SEC24B: variants seen among roughly 807,000 people sequenced by gnomAD.
The protein encoded by SEC24B is SEC24 homolog B, COPII component.
Under a neutral mutation model 142.8 loss-of-function variants are expected in SEC24B, and 45 were observed. That is an observed-to-expected ratio of 0.32 (90% CI 0.25 to 0.40). The LOEUF (loss-of-function observed/expected upper bound fraction) is 0.40, where lower values mean the gene tolerates loss of function less well. Among genes scored for constraint, SEC24B ranks in the 10% least tolerant of loss-of-function variants. SEC24B has a pLI of 1.00. For synonymous variants in SEC24B, 574 were observed against 568.2 expected, an observed-to-expected ratio of 1.01 and a Z score of -0.15; for missense variants, 1,409 against 1,526.8, an observed-to-expected ratio of 0.92 and a Z score of 1.29.
At chr4:109,453,699 C>T (rs1376308351) in intron 1 of SEC24B, among the ~76,000 whole-genome samples, 1 of 152,126 alleles carries the variant, frequency 6.6e-6, no homozygotes, top group African/African-American at 2.4e-5. Context: ...GCAGTCATCA[C>T]AGGGTCCTGA....
Position 109,530,476 on chromosome 4 carries a change from T to A in SEC24B, c.3252+12T>A. 2 of 1,597,760 alleles carry A rather than the reference T, an allele frequency of 1.3e-6. No individual in the cohort carries two copies. Among genetic ancestry groups the A allele is most frequent in the African/African-American group, 2.7e-5 (2 of 74,258 alleles). Reference sequence around the variant, plus strand: ...CCCTTCTCAAACAGGTAGCTTTTTATACATTGCTATATTTAATATTGTTTT... The same window carrying A: ...CCCTTCTCAAACAGGTAGCTTTTTAAACATTGCTATATTTAATATTGTTTT... On this transcript the variant is annotated intron_variant, in intron 19 of 23. Coordinates refer to ENST00000265175, the MANE Select transcript of SEC24B (RefSeq NM_006323.5).
intron 1 of SEC24B, 95 bp downstream of exon 1, chr4:109,434,097 C>A: frequency 2.4e-6 from 2 of 848,832 alleles, no homozygotes; most frequent in African/African-American, 1.8e-5. Context: ...CCGGGAAGGG[C>A]GTTCGGGGCC....
In SEC24B at chr4:109,494,650, G is replaced by C. The variant is rs764242326; in HGVS notation, c.1282G>C (p.Asp428His). Residue 428 changes from aspartate to histidine, a missense_variant, in exon 6 of 24, where the codon GAT becomes CAT. By Grantham distance (81) the Asp-to-His change is moderately conservative. Around this residue, in one of 2 missense-constraint regions of SEC24B, gnomAD observed 709 missense variants for 673.5 expected, o/e 1.05. Transcript: ENST00000265175. ...LSSSASSPAP[D>H]PAPEPDPASA... is the part of the protein sequence containing the mutation. ...TTCATCAGCAAGCAGTCCTGCTCCT[G>C]ATCCCGCCCCTGAACCTGATCCTGC... 4.4e-5 allele frequency: 71 copies of C among 1,613,960 alleles called. No individual in the cohort carries two copies. Among genetic ancestry groups the C allele is most frequent in the Non-Finnish European group, 5.9e-5 (70 of 1,180,032 alleles).
chr4:109,454,304 C>T (rs572234199), intron 1 of SEC24B, among the ~76,000 whole-genome samples: 12 of 151,990 alleles, frequency 7.9e-5, no homozygotes, highest in East Asian at 3.9e-4. Context: ...TTAGGGAGGC[C>T]GAGGCAGGAG....
At chr4:109,516,825 G>A (rs1338164346) in intron 11 of SEC24B, among the ~76,000 whole-genome samples, 185 bp downstream of exon 11, 1 of 152,064 alleles carries the variant, frequency 6.6e-6, no homozygotes. Flanking sequence ...CTTGGTATCT[G>A]AATTATAAAA....
At chr4:109,488,197 A>G (rs1229548227) in intron 4 of SEC24B, among the ~76,000 whole-genome samples, 4 of 152,192 alleles carry the variant, frequency 2.6e-5, no homozygotes, top group African/African-American at 9.7e-5. Flanking sequence ...AACCATCACT[A>G]CTATGTAATT....
Position 109,522,373 on chromosome 4 carries a change from T to G in SEC24B, c.2508+747T>G, listed in dbSNP as rs1183630795. Among the ~76,000 whole-genome samples, 2 of 152,120 alleles carry G rather than the reference T, an allele frequency of 1.3e-5. 1 individual carries two copies. The highest frequency in any genetic ancestry group is 2.9e-5 in the Non-Finnish European group (2 of 67,992). ...GCGAGAGTTTTTAACTCAAATTATC[T>G]TTTTGGTTTTGTGTCACAGTATGTT... On this transcript the variant is annotated intron_variant, in intron 14 of 23. Coordinates refer to ENST00000265175, the MANE Select transcript of SEC24B (RefSeq NM_006323.5).
At chr4:109,434,785 T>G (rs1728244420) in intron 1 of SEC24B, among the ~76,000 whole-genome samples, 1 of 152,202 alleles carries the variant, frequency 6.6e-6, no homozygotes, top group South Asian at 2.1e-4. Flanking sequence ...GTGCCAGAGT[T>G]GGCCCTGCTT....
At chr4:109,450,684 C>A (rs1380324905) in intron 1 of SEC24B, 5 of 149,562 alleles carry the variant, frequency 3.3e-5, no homozygotes, top group Admixed American at 1.3e-4. Flanking sequence ...AATTTACTCA[C>A]TAATTTTAGC....
At chr4:109,492,420 A>G (rs11937053) in intron 5 of SEC24B, among the ~76,000 whole-genome samples, 7,171 of 152,246 alleles carry the variant, frequency 0.047, 189 homozygotes, top group African/African-American at 0.071. Flanking sequence ...GAACAACCAT[A>G]TAGTATCCCA....
intron 1 of SEC24B, among the ~76,000 whole-genome samples, chr4:109,435,032 G>A (rs1178318059): frequency 1.3e-5 from 2 of 152,196 alleles, no homozygotes; most frequent in Non-Finnish European, 2.9e-5. Context: ...CCTCTGTCCT[G>A]TGTTGGTACG....
intron 1 of SEC24B, among the ~76,000 whole-genome samples, chr4:109,447,371 A>G (rs1231010716): frequency 6.6e-6 from 1 of 152,182 alleles, no homozygotes; most frequent in Non-Finnish European, 1.5e-5. Flanking sequence ...TCACATACTC[A>G]CTTGATCCCC....
intron 6 of SEC24B, among the ~76,000 whole-genome samples, chr4:109,502,684 A>G (rs530075484): frequency 2.0e-5 from 3 of 152,338 alleles, no homozygotes; most frequent in Admixed American, 1.3e-4. Flanking sequence ...ATGTTAAATT[A>G]AAATACCTAA....
chr4:109,531,246 A>C, intron 19 of SEC24B, 139 bp from the exon 20 acceptor site: 2 of 665,758 alleles, frequency 3.0e-6, no homozygotes, highest in Non-Finnish European at 5.0e-6. Context: ...TACCTATTAA[A>C]TGTCAGAGCT....
At chr4:109,499,575 A>G (rs1349993743) in intron 6 of SEC24B, among the ~76,000 whole-genome samples, 1 of 152,232 alleles carries the variant, frequency 6.6e-6, no homozygotes, top group Non-Finnish European at 1.5e-5. Flanking sequence ...ATTTTAGTCA[A>G]TGATGGACCA....
intron 2 of SEC24B, among the ~76,000 whole-genome samples, chr4:109,470,703 A>C (rs1457671619): frequency 6.6e-6 from 1 of 152,198 alleles, no homozygotes; most frequent in Non-Finnish European, 1.5e-5. Flanking sequence ...AATAACCTAA[A>C]AGTCCATTAA....
At chr4:109,500,760 T>C (rs536359361) in intron 6 of SEC24B, among the ~76,000 whole-genome samples, 1 of 152,016 alleles carries the variant, frequency 6.6e-6, no homozygotes, top group East Asian at 1.9e-4. Context: ...CTCAAGCAAT[T>C]CTCTTGCCTC....
intron 1 of SEC24B, among the ~76,000 whole-genome samples, chr4:109,452,559 C>G (rs1174967295): frequency 6.6e-6 from 1 of 152,216 alleles, no homozygotes. Context: ...GAATGTTTCT[C>G]TTGCACCACA....
intron 19 of SEC24B, 74 bp from the exon 20 acceptor site, chr4:109,531,311 C>A: frequency 8.2e-7 from 1 of 1,218,220 alleles, no homozygotes; most frequent in Non-Finnish European, 1.2e-6. Context: ...CCATGATTGA[C>A]AGTGTATATT....
Sources: gnomAD v4.1 joint callset for allele counts (sites outside exome capture counted in the v4.1 genomes callset) on GRCh38, gnomAD v4.1.1 for gene constraint, gnomAD v4.1.1 regional missense constraint, MANE v1.5 for transcripts, NCBI Gene and HGNC (gene_info 2026-07-23, HGNC 2026-07-21) for gene names.